MACF1: variants seen among roughly 807,000 people sequenced by gnomAD.
MACF1 encodes microtubule actin crosslinking factor 1.
Under a neutral mutation model 854.8 loss-of-function variants are expected in MACF1, and 193 were observed. The observed-to-expected ratio is 0.23, with a 90% CI of 0.20 to 0.25. The LOEUF is 0.25. Among genes scored for constraint, MACF1 ranks in the 10% least tolerant of loss-of-function variants. The pLI is 1.00. For synonymous variants in MACF1, 3,185 were observed against 3,226.7 expected, an observed-to-expected ratio of 0.99 and a Z score of 0.44; for missense variants, 7,722 against 8,929.1, an observed-to-expected ratio of 0.86 and a Z score of 5.45.
chr1:39,414,595 G>C lies in MACF1; in HGVS notation c.15817-7779G>C, dbSNP rs56278340. The C allele has an allele frequency of 1.5e-5, 22 of 1,470,548 alleles. No individual in the cohort carries two copies. The Admixed American group carries it at 4.9e-4, about 32-fold the overall frequency. The allele number at this position is 1,470,548 out of a possible 1,614,324, so 91.1% of individuals were successfully genotyped here. A position where few individuals can be genotyped will look rare whatever the true frequency, so the allele number is the denominator to read the frequency against. On this transcript the variant is annotated intron_variant, in intron 58 of 100. Transcript: ENST00000564288. ...TCTTTTGTTCTTTTTGGGTCTCCCG[G>C]GCTTATAGTTTGTAGTCTTTCTGTT... is the stretch of plus-strand genomic sequence containing the variant.
intron 2 of MACF1, among the ~76,000 whole-genome samples, chr1:39,149,273 T>C (rs1465918273): frequency 6.6e-6 from 1 of 152,210 alleles, no homozygotes; most frequent in Non-Finnish European, 1.5e-5. Flanking sequence ...GTGGCACACC[T>C]GTGATCCCAG....
At chr1:39,090,526 C>G (rs375274745) in intron 2 of MACF1, among the ~76,000 whole-genome samples, 2 of 152,160 alleles carry the variant, frequency 1.3e-5, no homozygotes, top group South Asian at 4.1e-4. Flanking sequence ...CCTGTGGGAC[C>G]CCAGTTGGTG....
chr1:39,454,971 T>C lies in MACF1; in HGVS notation c.20949T>C (p.Ala6983=). Residue 6983 remains alanine, a synonymous_variant, in exon 89 of 101, where the codon GCT becomes GCC. Transcript: ENST00000564288. ...AAACGGCCTTGTCAGAACTGGTGGC[T>C]AATGCTGAGCTCCTGGAAGAACTTC... ...RLETALSELV[A]NAELLEELLA... 1 of 1,614,174 alleles carries C rather than the reference T, an allele frequency of 6.2e-7. No homozygotes were observed. Among genetic ancestry groups the C allele is most frequent in the South Asian group, 1.1e-5 (1 of 91,080 alleles).
At chr1:39,113,616 C>T (rs575286368) in intron 2 of MACF1, among the ~76,000 whole-genome samples, 1 of 152,312 alleles carries the variant, frequency 6.6e-6, no homozygotes, top group African/African-American at 2.4e-5. Flanking sequence ...CATGGTCATA[C>T]AGAAGAAAGC....
chr1:39,188,428 G>A (rs1239384101), intron 2 of MACF1, among the ~76,000 whole-genome samples: 1 of 152,078 alleles, frequency 6.6e-6, no homozygotes, highest in Non-Finnish European at 1.5e-5. Flanking sequence ...AAAAGAAAGA[G>A]CTGGGCCCTA....
chr1:39,233,276 C>T (rs943392044), intron 2 of MACF1, among the ~76,000 whole-genome samples: 1 of 152,200 alleles, frequency 6.6e-6, no homozygotes, highest in Non-Finnish European at 1.5e-5. Flanking sequence ...TCAGGTGATC[C>T]ACCCACCTAA....
chr1:39,212,007 G>T (rs1489893958), intron 1 of MACF1, among the ~76,000 whole-genome samples: 1 of 126,372 alleles, frequency 7.9e-6, no homozygotes, highest in Admixed American at 7.4e-5. Flanking sequence ...GGGTGATTTT[G>T]GCATTTTAGG....
Position 39,334,565 on chromosome 1 carries a change from G to T in MACF1, c.7977G>T (p.Val2659=). 1 of 1,614,132 alleles carries T rather than the reference G, an allele frequency of 6.2e-7. No individual in the cohort carries two copies. Among genetic ancestry groups the T allele is most frequent in the Non-Finnish European group, 8.5e-7 (1 of 1,180,024 alleles). ...CCTTCTCAGACATTAAAGATGGGGTGAGCGACAAAGTGCTTACATTGTCTC... is the reference window on the plus strand; with the variant it reads ...CCTTCTCAGACATTAAAGATGGGGTTAGCGACAAAGTGCTTACATTGTCTC... ...VIPFSDIKDG[V]SDKVLTLSQA... The change falls in exon 37 of 101, where the codon GTG becomes GTT. Residue 2659 remains valine, a synonymous_variant. Coordinates refer to ENST00000564288, the MANE Select transcript of MACF1 (RefSeq NM_001394062.1).
intron 2 of MACF1, among the ~76,000 whole-genome samples, chr1:39,147,761 T>G (rs2148192264): frequency 6.6e-6 from 1 of 152,262 alleles, no homozygotes; most frequent in South Asian, 2.1e-4. Flanking sequence ...CCACCCCACT[T>G]GGCCCTATTT....
chr1:39,433,088 A>C lies in MACF1; in HGVS notation c.17498A>C (p.Asp5833Ala). 1 of 1,612,658 alleles carries C rather than the reference A, an allele frequency of 6.2e-7. No homozygotes were observed. Among genetic ancestry groups the C allele is most frequent in the Admixed American group, 1.7e-5 (1 of 59,812 alleles). Residue 5833 changes from aspartate to alanine, a missense_variant, in exon 68 of 101, where the codon GAT (aspartate) becomes GCT (alanine). Physicochemically the swap from Asp to Ala is moderately radical, Grantham distance 126 (BLOSUM62 -2). Around this residue, in one of 15 missense-constraint regions of MACF1, gnomAD observed 2,807 missense variants for 3,235.8 expected, o/e 0.87. Transcript: ENST00000564288. ...IDIIRHKDSM[D>A]ELFSHRSEIF... ...ATTATTCGACACAAAGATTCAATGG[A>C]TGAACTCTTCAGTCACCGTAGTGAA...
At chr1:39,141,074 T>C (rs892729083) in intron 2 of MACF1, among the ~76,000 whole-genome samples, 1 of 152,160 alleles carries the variant, frequency 6.6e-6, no homozygotes, top group African/African-American at 2.4e-5. Context: ...ACACAGCTGT[T>C]AAGCAGCAGA....
chr1:39,351,479 A>G (rs748477793), intron 43 of MACF1, among the ~76,000 whole-genome samples: 1 of 152,000 alleles, frequency 6.6e-6, no homozygotes, highest in Non-Finnish European at 1.5e-5. Context: ...CAAACCCCCA[A>G]ACATCTTGCT....
chr1:39,369,030 G>T (rs1648993856), intron 50 of MACF1, among the ~76,000 whole-genome samples: 1 of 148,158 alleles, frequency 6.7e-6, no homozygotes, highest in South Asian at 2.2e-4. Flanking sequence ...AAAGATATGG[G>T]GTCTTGCTAT....
chr1:39,350,147 G>A (rs1647147138), intron 42 of MACF1, among the ~76,000 whole-genome samples: 1 of 152,204 alleles, frequency 6.6e-6, no homozygotes. Context: ...TCTAGTCTAG[G>A]ATTTCAGAAA....
intron 80 of MACF1, among the ~76,000 whole-genome samples, chr1:39,447,131 C>A (rs1207746784): frequency 6.6e-6 from 1 of 152,160 alleles, no homozygotes; most frequent in African/African-American, 2.4e-5. Context: ...TGTTCACTTA[C>A]AGTTATTGAA....
chr1:39,195,239 T>C (rs1644306243), intron 2 of MACF1, among the ~76,000 whole-genome samples: 1 of 152,234 alleles, frequency 6.6e-6, no homozygotes, highest in South Asian at 2.1e-4. Flanking sequence ...CTCGGTTGTA[T>C]GTTTTTGTGG....
intron 6 of MACF1, among the ~76,000 whole-genome samples, chr1:39,279,545 T>C (rs1232330356): frequency 1.3e-5 from 2 of 152,172 alleles, no homozygotes. Context: ...GTACTGCACC[T>C]GATAGAGACG....
rs145148753 is a variant in MACF1, at chr1:39,331,580, C to G, written c.4992C>G (p.Ser1664=). The change falls in exon 37 of 101, where the codon TCC becomes TCG. Residue 1664 remains serine, a synonymous_variant. Coordinates refer to ENST00000564288, the MANE Select transcript of MACF1 (RefSeq NM_001394062.1). ...TGGCAACTGGAGGTTTCAGTCTTTC[C>G]CCTAGTGAGAACTGTATTAACCTGG... ...AHLATGGFSL[S]PSENCINLEE... 60 of 1,614,130 alleles carry G rather than the reference C, an allele frequency of 3.7e-5. No homozygotes were observed. In the African/African-American group the frequency reaches 6.5e-4, roughly 18 times the overall value.
intron 58 of MACF1, chr1:39,414,646 ATTTT>A: frequency 9.4e-7 from 1 of 1,060,318 alleles, no homozygotes; most frequent in Non-Finnish European, 1.3e-6. Flanking sequence ...ATATACTTTA[ATTTT>A]GTCTGGTGAA....
Sources: allele counts gnomAD v4.1 joint callset (sites outside exome capture counted in the v4.1 genomes callset), GRCh38; gene constraint gnomAD v4.1.1; regional missense constraint gnomAD v4.1.1; transcripts MANE v1.5; gene names NCBI Gene and HGNC (gene_info 2026-07-23, HGNC 2026-07-21).